Variants in ITGA2B observed in about 807,000 individuals in gnomAD.
ITGA2B encodes integrin subunit alpha 2b, also known as integrin alpha-IIb.
In ITGA2B, 91 loss-of-function variants were observed where a neutral mutation model predicts 142.0. That is an observed-to-expected ratio of 0.64 (90% CI 0.54 to 0.76). ITGA2B has a LOEUF of 0.76. ITGA2B is among the 30% of genes least tolerant of loss of function. The pLI, the probability that ITGA2B is intolerant of heterozygous loss-of-function variation, is 0.00. For missense variants in ITGA2B, 1,231 were observed against 1,350.8 expected, an observed-to-expected ratio of 0.91 and a Z score of 1.39; for synonymous variants, 536 against 567.2, an observed-to-expected ratio of 0.94 and a Z score of 0.78.
chr17:44,377,211 T>C (rs957039747), intron 21 of ITGA2B, 123 bp from the exon 22 acceptor site: 39 of 767,066 alleles, frequency 5.1e-5, no homozygotes, highest in African/African-American at 3.1e-4. Flanking sequence ...TTTTTTTTTT[T>C]CCGAGACGGA....
At chr17:44,373,982 TGC>T in intron 29 of ITGA2B, 1 of 260,496 alleles carries the variant, frequency 3.8e-6, no homozygotes. Flanking sequence ...CTCGGCTCAC[TGC>T]AACCTCCGCC....
chr17:44,376,894 T>G, intron 22 of ITGA2B, 115 bp downstream of exon 22: 1 of 798,834 alleles, frequency 1.3e-6, no homozygotes, highest in African/African-American at 1.7e-5. Context: ...ATTACAGGTG[T>G]GAGCCACTGC....
At position 44,380,372 on chromosome 17, in the gene ITGA2B, C is replaced by T; in HGVS notation, c.1544+14G>A. 6.2e-7 allele frequency: 1 copy of T among 1,614,134 alleles called. No homozygotes were observed. The highest frequency in any genetic ancestry group is 8.5e-7 in the Non-Finnish European group (1 of 1,180,010). On this transcript the variant is annotated intron_variant, in intron 15 of 29. Coordinates refer to ENST00000262407, the MANE Select transcript of ITGA2B (RefSeq NM_000419.5). ...TCCCAGATCCTTTAAGGCCCATGCC[C>T]TCTGCCTCCTCACCAGCTCACGGGT...
chr17:44,388,644 G>A (rs2048671284), intron 1 of ITGA2B, among the ~76,000 whole-genome samples: 2 of 151,626 alleles, frequency 1.3e-5, no homozygotes, highest in Admixed American at 6.6e-5. Flanking sequence ...TCAGCCTCCC[G>A]AGTAGCTGGG....
chr17:44,373,888 C>T (rs2048516656), intron 29 of ITGA2B: 1 of 213,064 alleles, frequency 4.7e-6, no homozygotes. Flanking sequence ...TTTTGCTCTA[C>T]TAGAGAAAGA....
rs768033929 is a variant in ITGA2B at position 44,377,098 on chromosome 17, G to A, written c.2188-10C>T. On this transcript the variant is annotated splice_polypyrimidine_tract_variant and intron_variant, in intron 21 of 29. Coordinates refer to ENST00000262407, the MANE Select transcript of ITGA2B (RefSeq NM_000419.5). Reference sequence around the variant, plus strand: ...ACATCGCGATTCCTATCTGGGAGATGAGGAGGGCCAAGGTCACTGCCCAAG... The same window carrying A: ...ACATCGCGATTCCTATCTGGGAGATAAGGAGGGCCAAGGTCACTGCCCAAG... The A allele has an allele frequency of 3.2e-6, 5 of 1,560,870 alleles. No individual in the cohort carries two copies. The East Asian group carries it at 1.2e-4, about 37-fold the overall frequency.
chr17:44,380,683 G>C, intron 13 of ITGA2B, 38 bp from the exon 14 acceptor site: 1 of 1,613,936 alleles, frequency 6.2e-7, no homozygotes, highest in South Asian at 1.1e-5. Flanking sequence ...TTGGCGATTA[G>C]GGCATGGGAT....
chr17:44,377,934 C>A, intron 20 of ITGA2B, 144 bp from the exon 21 acceptor site: 1 of 684,694 alleles, frequency 1.5e-6, no homozygotes, highest in Non-Finnish European at 2.6e-6. Flanking sequence ...CTGTCACATG[C>A]TAGTGTGTGT....
chr17:44,385,396 A>G, intron 4 of ITGA2B, 61 bp from the exon 5 acceptor site: 7 of 1,563,294 alleles, frequency 4.5e-6, no homozygotes, highest in Non-Finnish European at 1.7e-6. Flanking sequence ...GCGAGCCCGG[A>G]GGAGGGCTGG....
At chr17:44,385,962 G>T (rs2143490921) in intron 2 of ITGA2B, 41 bp from the exon 3 acceptor site, 1 of 1,614,134 alleles carries the variant, frequency 6.2e-7, no homozygotes, top group Non-Finnish European at 8.5e-7. Context: ...AAGCCCGGCA[G>T]TCCACGTCCC....
At chr17:44,382,495 CCTTT>C (rs1411055163) in intron 12 of ITGA2B, among the ~76,000 whole-genome samples, 2 of 151,800 alleles carry the variant, frequency 1.3e-5, no homozygotes, top group Admixed American at 6.6e-5. Context: ...TTTCTTTCTT[CCTTT>C]CTTTCTCTAT....
chr17:44,387,734 A>T (rs2048662114), intron 1 of ITGA2B, among the ~76,000 whole-genome samples: 1 of 141,586 alleles, frequency 7.1e-6, no homozygotes, highest in Non-Finnish European at 1.5e-5. Context: ...CTGTGGCAGG[A>T]GAATCGCTTG....
chr17:44,373,931 A>C, intron 29 of ITGA2B: 1 of 189,858 alleles, frequency 5.3e-6, no homozygotes, highest in Non-Finnish European at 1.1e-5. Context: ...TTTGAGATGG[A>C]GGCTCGCTCT....
chr17:44,388,383 T>A (rs1469539266), intron 1 of ITGA2B, among the ~76,000 whole-genome samples: 2 of 147,378 alleles, frequency 1.4e-5, no homozygotes, highest in African/African-American at 5.0e-5. Flanking sequence ...TGAGACAGAG[T>A]TTCGCTCTCG....
chr17:44,386,056 G>C lies in ITGA2B; in HGVS notation c.264C>G (p.Pro88=). Residue 88 remains proline, a synonymous_variant, in exon 2 of 30, where the codon CCC becomes CCG. Transcript: ENST00000262407. The stretch of plus-strand genomic sequence containing the variant: ...GGCACTGGCCGCCCTCGGCCCTCCA[G>C]GGGCACAGGAACACGCCGCCCGTCT... The part of the protein sequence containing the change: ...QEETGGVFLC[P]WRAEGGQCPS... 1 of 1,612,720 alleles carries C rather than the reference G, an allele frequency of 6.2e-7. No homozygotes were observed. Among genetic ancestry groups the C allele is most frequent in the South Asian group, 1.1e-5 (1 of 91,066 alleles).
At chr17:44,372,599 T>C (rs1436826162) in intron 29 of ITGA2B, among the ~76,000 whole-genome samples, 176 bp from the exon 30 acceptor site, 2 of 152,180 alleles carry the variant, frequency 1.3e-5, no homozygotes, top group South Asian at 2.1e-4. Flanking sequence ...GAACGAATTG[T>C]TGGGTTTTTG....
Position 44,385,615 on chromosome 17 carries a change from G to T in ITGA2B, c.510C>A (p.Arg170=). 6.2e-7 allele frequency: 1 copy of T among 1,612,386 alleles called. No individual in the cohort carries two copies. Residue 170 remains arginine, a synonymous_variant, in exon 4 of 30, where the codon CGC becomes CGA. Transcript: ENST00000262407. ...CGCGACAGGGGGAGTACTCGGCGCG[G>T]CGGCCGCTCTCTGGCTGAGCCAAAA... ...SCFLAQPESG[R]RAEYSPCRGN...
chr17:44,376,612 T>TC (rs1369191569), intron 22 of ITGA2B, among the ~76,000 whole-genome samples: 83 of 152,064 alleles, frequency 5.5e-4, no homozygotes, highest in African/African-American at 1.9e-3. Context: ...TTTTTTTTTT[T>TC]CTTTTGAGAT....
In ITGA2B at chr17:44,384,102, G is replaced by A. The variant is rs1375337071; in HGVS notation, c.928C>T (p.Arg310Trp). Residue 310 changes from arginine to tryptophan, a missense_variant, in exon 10 of 30, where the codon CGG becomes TGG. Around this residue, in one of 3 missense-constraint regions of ITGA2B, gnomAD observed 908 missense variants for 1,021.1 expected, o/e 0.89. Transcript: ENST00000262407. ...ILDSYYQRLH[R>W]LRGEQMASYF... Reference sequence around the variant, plus strand: ...GCCCCCACCTGCTCTCCGCGCAGCCGATGCAGCCTCTGGTAGTAGGAATCC... The same window carrying A: ...GCCCCCACCTGCTCTCCGCGCAGCCAATGCAGCCTCTGGTAGTAGGAATCC... The A allele has an allele frequency of 1.2e-6, 2 of 1,613,708 alleles. No homozygotes were observed. Among genetic ancestry groups the A allele is most frequent in the South Asian group, 1.1e-5 (1 of 91,084 alleles).
Sources: gnomAD v4.1 joint callset for allele counts (sites outside exome capture counted in the v4.1 genomes callset) on GRCh38, gnomAD v4.1.1 for gene constraint, gnomAD v4.1.1 regional missense constraint, MANE v1.5 for transcripts, NCBI Gene and HGNC (gene_info 2026-07-23, HGNC 2026-07-21) for gene names.